BEND2: variants seen among roughly 807,000 people sequenced by gnomAD.
BEND2 encodes the protein BEN domain containing 2, also known as BEN domain-containing protein 2.
BEND2 carries 19 observed loss-of-function variants against 43.8 expected under a neutral mutation model. The observed-to-expected ratio is 0.43, with a 90% CI of 0.30 to 0.64. BEND2 has a LOEUF of 0.64. BEND2 is among the 30% of genes least tolerant of loss of function. The pLI, the probability that BEND2 is intolerant of heterozygous loss-of-function variation, is 0.11. For synonymous variants in BEND2, 226 were observed against 210.1 expected, an observed-to-expected ratio of 1.08 and a Z score of -0.66; for missense variants, 544 against 574.0, an observed-to-expected ratio of 0.95 and a Z score of 0.53.
intron 8 of BEND2, among the ~76,000 whole-genome samples, chrX:18,190,586 C>T (rs1309513775): frequency 2.7e-5 from 3 of 110,815 alleles, no homozygotes; most frequent in Non-Finnish European, 5.7e-5. Context: ...AAAGATGAGG[C>T]CAGGCAGGGA....
At chrX:18,214,891 T>G in intron 2 of BEND2, among the ~76,000 whole-genome samples, 1 of 106,248 alleles carries the variant, frequency 9.4e-6, no homozygotes, top group South Asian at 4.2e-4. Context: ...ATTCAGAATC[T>G]AAATAAAAAG....
At chrX:18,193,823 G>T (rs1924856620) in intron 7 of BEND2, among the ~76,000 whole-genome samples, 1 of 111,400 alleles carries the variant, frequency 9.0e-6, no homozygotes, top group Non-Finnish European at 1.9e-5. Context: ...CCTTCCTGAT[G>T]AAGGTGGGTA....
chrX:18,191,258 G>T (rs936812475), intron 7 of BEND2, 150 bp from the exon 8 acceptor site: 2 of 429,237 alleles, frequency 4.7e-6, no homozygotes, highest in African/African-American at 5.1e-5. Flanking sequence ...TTTAAAAAAC[G>T]GTGACTGGCT....
intron 1 of BEND2, among the ~76,000 whole-genome samples, chrX:18,219,058 C>T (rs1239388099): frequency 9.0e-6 from 1 of 111,526 alleles, no homozygotes; most frequent in African/African-American, 3.3e-5. Flanking sequence ...CAGACCGCTC[C>T]GTTTGTTTTA....
chrX:18,177,512 T>G, intron 10 of BEND2, 57 bp downstream of exon 10: 1 of 1,094,673 alleles, frequency 9.1e-7, no homozygotes. Flanking sequence ...TAACATTCAT[T>G]ATATGACCAA....
At position 18,220,609 on chromosome X, in the gene BEND2, G is replaced by A. The variant is rs189190895; in HGVS notation, c.25+117C>T. The A allele has an allele frequency of 3.0e-3, 3,063 of 1,036,949 alleles. 53 individuals carry two copies. In the African/African-American group the frequency reaches 0.05, roughly 17 times the overall value. 85.5% of individuals were successfully genotyped at this position (1,036,949 alleles called of 1,213,427 possible). ...CAGAGGCCGCCCCCCGACACGCCCC[G>A]GTCAATGACTAGCCAATCCTGCCGC... On this transcript the variant is annotated intron_variant, in intron 1 of 13. Coordinates refer to ENST00000380033, the MANE Select transcript of BEND2 (RefSeq NM_153346.5).
intron 6 of BEND2, 94 bp downstream of exon 6, chrX:18,201,721 G>A: frequency 1.0e-6 from 1 of 969,806 alleles, no homozygotes; most frequent in Non-Finnish European, 1.4e-6. Context: ...TCAAACTTCT[G>A]ATGTCAGGTG....
intron 12 of BEND2, among the ~76,000 whole-genome samples, chrX:18,171,411 G>A (rs1054090176): frequency 1.8e-5 from 2 of 111,559 alleles, no homozygotes; most frequent in African/African-American, 6.5e-5. Flanking sequence ...GCACAATCAT[G>A]GCTCACTGCA....
chrX:18,190,327 T>C (rs1281436607), intron 8 of BEND2, among the ~76,000 whole-genome samples: 1 of 111,844 alleles, frequency 8.9e-6, no homozygotes, highest in Non-Finnish European at 1.9e-5. Flanking sequence ...ACAATCTAGA[T>C]GTCCTTCAGT....
intron 5 of BEND2, among the ~76,000 whole-genome samples, chrX:18,202,966 A>T (rs1393426106): frequency 8.9e-6 from 1 of 111,902 alleles, no homozygotes; most frequent in Admixed American, 9.6e-5. Context: ...CTACTGAAAC[A>T]CACAACTTGG....
At position 18,203,855 on chromosome X, in the gene BEND2, C is replaced by A. The variant is rs1569125341; in HGVS notation, c.553G>T (p.Ala185Ser). 8.3e-7 allele frequency: 1 copy of A among 1,207,447 alleles called. No individual in the cohort carries two copies. Among genetic ancestry groups the A allele is most frequent in the Non-Finnish European group, 1.1e-6 (1 of 892,948 alleles). Residue 185 changes from alanine to serine, a missense_variant, in exon 5 of 14, where the codon GCT (alanine) becomes TCT (serine). Ala to Ser is a moderately conservative substitution (Grantham distance 99, BLOSUM62 1). Around this residue, in one of 2 missense-constraint regions of BEND2, gnomAD observed 501 missense variants for 501.6 expected, o/e 1.00. Coordinates refer to ENST00000380033, the MANE Select transcript of BEND2 (RefSeq NM_153346.5). Reference sequence around the variant, plus strand: ...GCTGCTGACTCAAGAGATGTTACAGCAGGGCTGGCCCAGGCATGGGTTTCC... The same window carrying A: ...GCTGCTGACTCAAGAGATGTTACAGAAGGGCTGGCCCAGGCATGGGTTTCC... The part of the protein sequence containing the change: ...RQETHAWASP[A>S]VTSLESAACH...
At chrX:18,217,993 C>T (rs933095769) in intron 1 of BEND2, among the ~76,000 whole-genome samples, 19 of 108,911 alleles carry the variant, frequency 1.7e-4, no homozygotes, top group African/African-American at 5.7e-4. Flanking sequence ...GTAGTCCCAG[C>T]TACTTGGGAG....
intron 10 of BEND2, 51 bp downstream of exon 10, chrX:18,177,518 A>G: frequency 9.0e-7 from 1 of 1,116,061 alleles, no homozygotes; most frequent in Non-Finnish European, 1.2e-6. Flanking sequence ...TCATTATATG[A>G]CCAAATGATG....
chrX:18,166,044 G>C (rs995311880), intron 13 of BEND2, among the ~76,000 whole-genome samples: 3 of 112,160 alleles, frequency 2.7e-5, no homozygotes, highest in Non-Finnish European at 3.8e-5. Context: ...AGGTTAAAAG[G>C]CTTCCGTACC....
At chrX:18,186,837 C>T (rs1303386125) in intron 8 of BEND2, among the ~76,000 whole-genome samples, 1 of 108,867 alleles carries the variant, frequency 9.2e-6, no homozygotes, top group African/African-American at 3.3e-5. Context: ...TATGGGGACA[C>T]GTGCCTGTAG....
chrX:18,176,690 A>T lies in BEND2; in HGVS notation c.1631-597T>A, dbSNP rs1170694114. 3.6e-5 allele frequency among the ~76,000 whole-genome samples: 4 copies of T among 110,841 alleles called. No homozygotes were observed. The East Asian group carries it at 8.5e-4, about 24-fold the overall frequency. ...CAAGACCATGCGTCTGAAAAAAAAA[A>T]TTTTAAGTGTGTAACCCAATGTTGA... On this transcript the variant is annotated intron_variant, in intron 10 of 13. Coordinates refer to ENST00000380033, the MANE Select transcript of BEND2 (RefSeq NM_153346.5).
chrX:18,203,444 T>C lies in BEND2; in HGVS notation c.907+57A>G, dbSNP rs1011471135. On this transcript the variant is annotated intron_variant, in intron 5 of 13. Transcript: ENST00000380033. Reference sequence around the variant, plus strand: ...AACTAACACTAATTTGCATGAAGGGTGTTTTAAAATCTAGATTGAAGAATG... The same window carrying C: ...AACTAACACTAATTTGCATGAAGGGCGTTTTAAAATCTAGATTGAAGAATG... The C allele has an allele frequency of 5.6e-6, 6 of 1,080,287 alleles. No individual in the cohort carries two copies. The South Asian group carries it at 1.1e-4, about 20-fold the overall frequency. The allele number at this position is 1,080,287 out of a possible 1,213,427, so 89.0% of individuals were successfully genotyped here. A position where few individuals can be genotyped will look rare whatever the true frequency, so the allele number is the denominator to read the frequency against.
chrX:18,180,560 T>G lies in BEND2; in HGVS notation c.1379A>C (p.Asp460Ala). 8.3e-7 allele frequency: 1 copy of G among 1,209,248 alleles called. No homozygotes were observed. The change falls in exon 9 of 14, where the codon GAC (aspartate) becomes GCC (alanine). Residue 460 changes from aspartate to alanine, a missense_variant. Asp to Ala is a moderately radical substitution (Grantham distance 126). This residue lies in a region of BEND2 where 501 missense variants were observed against 501.6 expected (regional missense o/e 1.00). Coordinates refer to ENST00000380033, the MANE Select transcript of BEND2 (RefSeq NM_153346.5). The stretch of plus-strand genomic sequence containing the variant: ...TGATGAGGAAGAATCCTGGCCACTG[T>G]CACTGTCCAATAAAGTTGAGCGATT... ...TMNRSTLLDS[D>A]SGQDSSSSSV...
chrX:18,193,408 G>A (rs1303595707), intron 7 of BEND2, among the ~76,000 whole-genome samples: 1 of 111,618 alleles, frequency 9.0e-6, no homozygotes, highest in Non-Finnish European at 1.9e-5. Context: ...TGTGTATCTT[G>A]GTCATGGTGG....
Sources: allele counts gnomAD v4.1 joint callset (sites outside exome capture counted in the v4.1 genomes callset), GRCh38; gene constraint gnomAD v4.1.1; regional missense constraint gnomAD v4.1.1; transcripts MANE v1.5; gene names NCBI Gene and HGNC (gene_info 2026-07-23, HGNC 2026-07-21).